Variants in CNTN4 observed in about 807,000 individuals in gnomAD.
CNTN4 encodes contactin-4.
CNTN4 carries 77 observed loss-of-function variants against 122.5 expected under a neutral mutation model. The ratio of observed to expected loss-of-function variants is 0.63; its 90% CI spans 0.52 to 0.76. The LOEUF (loss-of-function observed/expected upper bound fraction) is 0.76, where lower values mean the gene tolerates loss of function less well. Among genes scored for constraint, CNTN4 ranks in the 30% least tolerant of loss-of-function variants. The pLI is 0.00. For synonymous variants in CNTN4, 512 were observed against 447.0 expected, an observed-to-expected ratio of 1.15 and a Z score of -1.83; for missense variants, 1,256 against 1,259.1, an observed-to-expected ratio of 1.00 and a Z score of 0.04.
At chr3:2,648,534 C>G (rs1025901705) in intron 4 of CNTN4, among the ~76,000 whole-genome samples, 16 of 152,024 alleles carry the variant, frequency 1.1e-4, no homozygotes, top group African/African-American at 7.2e-5. Context: ...TACCATGAAC[C>G]GCACCCATAT....
intron 13 of CNTN4, among the ~76,000 whole-genome samples, chr3:2,963,278 C>T (rs185664708): frequency 6.6e-6 from 1 of 152,272 alleles, no homozygotes; most frequent in East Asian, 1.9e-4. Context: ...CTCGTATTAC[C>T]TCTTACTGAG....
chr3:2,729,437 C>T lies in CNTN4; in HGVS notation c.56-6778C>T, dbSNP rs186655854. Among the ~76,000 whole-genome samples the T allele has an allele frequency of 3.3e-3, 475 of 144,754 alleles. 17 individuals carry two copies. The highest frequency in any genetic ancestry group is 0.012 in the African/African-American group (459 of 38,554). 95.0% of individuals were successfully genotyped at this position (144,754 alleles called of 152,430 possible). On this transcript the variant is annotated intron_variant, in intron 4 of 24. Transcript: ENST00000418658. ...GCAGGCGCCTGTATTTCCAGCTACT[C>T]GGGAGGCTAAGCAGGAGAATCGCTC...
At chr3:2,982,597 A>G (rs9832943) in intron 13 of CNTN4, among the ~76,000 whole-genome samples, 11,882 of 152,146 alleles carry the variant, frequency 0.078, 1,325 homozygotes, top group African/African-American at 0.25. Context: ...CCATCTTCCA[A>G]ATTTAGCAAT....
chr3:2,883,144 G>C lies in CNTN4; in HGVS notation c.653-1G>C. On this transcript the variant is annotated splice_acceptor_variant, in intron 8 of 24. Coordinates refer to ENST00000418658, the MANE Select transcript of CNTN4 (RefSeq NM_175607.3). LOFTEE classifies it high-confidence loss of function. ...GACTTAGCCCCTTTATTTATTCACA[G>C]GAGTGATGGGTGAATATGAGCCCAA... 1.2e-6 allele frequency: 2 copies of C among 1,605,966 alleles called. No individual in the cohort carries two copies. The highest frequency in any genetic ancestry group is 1.7e-6 in the Non-Finnish European group (2 of 1,172,860).
chr3:2,336,291 C>A (rs1297014500), intron 2 of CNTN4, among the ~76,000 whole-genome samples: 1 of 151,908 alleles, frequency 6.6e-6, no homozygotes, highest in African/African-American at 2.4e-5. Context: ...GGTCAGGAAT[C>A]TTGGTCTGTT....
At chr3:2,268,465 T>G (rs2041143213) in intron 2 of CNTN4, among the ~76,000 whole-genome samples, 1 of 151,188 alleles carries the variant, frequency 6.6e-6, no homozygotes, top group African/African-American at 2.5e-5. Flanking sequence ...CACTAAATTT[T>G]AAGCTCCTTG....
At chr3:3,003,957 G>A (rs935933935) in intron 14 of CNTN4, among the ~76,000 whole-genome samples, 53 of 151,946 alleles carry the variant, frequency 3.5e-4, no homozygotes, top group African/African-American at 1.1e-3. Context: ...ACAGGGTTTC[G>A]CCATATTGCC....
chr3:2,200,605 A>G (rs140355004), intron 2 of CNTN4, among the ~76,000 whole-genome samples: 1 of 152,332 alleles, frequency 6.6e-6, no homozygotes, highest in East Asian at 1.9e-4. Flanking sequence ...GAAACCCTGA[A>G]ATAGCACCTT....
At chr3:2,669,442 C>T (rs866145067) in intron 4 of CNTN4, among the ~76,000 whole-genome samples, 5 of 152,136 alleles carry the variant, frequency 3.3e-5, no homozygotes, top group Non-Finnish European at 7.4e-5. Context: ...GTGATATCCC[C>T]TTTGTCATTT....
chr3:2,336,560 G>A (rs1203303898), intron 2 of CNTN4, among the ~76,000 whole-genome samples: 1 of 152,098 alleles, frequency 6.6e-6, no homozygotes, highest in Non-Finnish European at 1.5e-5. Flanking sequence ...TAGCTTCAGT[G>A]GGCTTATGAT....
chr3:2,763,750 G>T (rs150448178), intron 6 of CNTN4, among the ~76,000 whole-genome samples: 3 of 152,160 alleles, frequency 2.0e-5, no homozygotes, highest in Admixed American at 6.5e-5. Context: ...TCCTTTCCCC[G>T]TTGTTTGGTT....
At chr3:2,994,756 TAG>T (rs1467843748) in intron 14 of CNTN4, among the ~76,000 whole-genome samples, 1 of 152,066 alleles carries the variant, frequency 6.6e-6, no homozygotes, top group Non-Finnish European at 1.5e-5. Flanking sequence ...CGCAATAAAG[TAG>T]AGTCTTTTCA....
At chr3:2,381,151 GC>G (rs1193198198) in intron 3 of CNTN4, among the ~76,000 whole-genome samples, 61 of 151,426 alleles carry the variant, frequency 4.0e-4, no homozygotes, top group South Asian at 6.3e-4. Flanking sequence ...GACTACAGGC[GC>G]CCGCCACCAC....
chr3:2,465,561 C>G (rs2075467243), intron 3 of CNTN4, among the ~76,000 whole-genome samples: 1 of 151,994 alleles, frequency 6.6e-6, no homozygotes, highest in East Asian at 1.9e-4. Flanking sequence ...CCTGTAGTCC[C>G]AGCTACTCAG....
intron 2 of CNTN4, among the ~76,000 whole-genome samples, chr3:2,232,203 C>T (rs1427150849): frequency 6.6e-6 from 1 of 152,180 alleles, no homozygotes; most frequent in African/African-American, 2.4e-5. Context: ...CTTATTTTTA[C>T]AGTCAATGCC....
intron 7 of CNTN4, among the ~76,000 whole-genome samples, chr3:2,821,091 A>G (rs1207162205): frequency 6.6e-6 from 1 of 150,448 alleles, no homozygotes; most frequent in African/African-American, 2.4e-5. Flanking sequence ...CCTTCCGAGT[A>G]GCTGGGATTA....
intron 2 of CNTN4, among the ~76,000 whole-genome samples, chr3:2,207,525 C>T (rs1417464475): frequency 1.3e-5 from 2 of 152,034 alleles, no homozygotes; most frequent in Non-Finnish European, 2.9e-5. Context: ...AAGGTCAAAC[C>T]AACCACAACG....
intron 4 of CNTN4, among the ~76,000 whole-genome samples, chr3:2,691,682 A>G (rs17018695): frequency 0.062 from 9,388 of 152,274 alleles, 499 homozygotes; most frequent in African/African-American, 0.14. Context: ...TAGCATAACT[A>G]TCAACAACAA....
At chr3:2,617,339 A>G (rs995746013) in intron 4 of CNTN4, among the ~76,000 whole-genome samples, 1 of 151,836 alleles carries the variant, frequency 6.6e-6, no homozygotes, top group African/African-American at 2.4e-5. Flanking sequence ...ATATGAACAG[A>G]CACTTCTCAA....
Sources: gnomAD v4.1 joint callset for allele counts (sites outside exome capture counted in the v4.1 genomes callset) on GRCh38, gnomAD v4.1.1 for gene constraint, MANE v1.5 for transcripts, NCBI Gene and HGNC (gene_info 2026-07-23, HGNC 2026-07-21) for gene names.